The following ST6GAL1 variants were observed in gnomAD, a reference collection of about 807,000 sequenced individuals.
The protein encoded by ST6GAL1 is ST6 beta-galactoside alpha-2,6-sialyltransferase 1, also known as beta-galactoside alpha-2,6-sialyltransferase 1.
In ST6GAL1, 20 loss-of-function variants were observed where a neutral mutation model predicts 38.0. The ratio of observed to expected loss-of-function variants is 0.53; its 90% CI spans 0.37 to 0.77. The LOEUF is 0.77. Ranked by LOEUF, ST6GAL1 falls within the 30% of genes least tolerant of loss-of-function variation. ST6GAL1 has a pLI of 0.00. For synonymous variants in ST6GAL1, 196 were observed against 188.2 expected, an observed-to-expected ratio of 1.04 and a Z score of -0.34; for missense variants, 432 against 496.4, an observed-to-expected ratio of 0.87 and a Z score of 1.23.
intron 2 of ST6GAL1, among the ~76,000 whole-genome samples, chr3:187,002,469 T>C (rs1236038233): frequency 6.6e-6 from 1 of 152,220 alleles, no homozygotes; most frequent in Non-Finnish European, 1.5e-5. Flanking sequence ...GAAAAGTCAA[T>C]GTAGTCATTA....
intron 2 of ST6GAL1, among the ~76,000 whole-genome samples, chr3:187,023,891 T>TAAA (rs59561414): frequency 1.4e-5 from 2 of 138,378 alleles, no homozygotes; most frequent in African/African-American, 2.6e-5. Context: ...TAATAATAAT[T>TAAA]AAAAAAAAAA....
In ST6GAL1 at chr3:187,048,880, A is replaced by ATTTTTTTTTTTTTTTTTT. The variant is rs374148828; in HGVS notation, c.608-2358_608-2341dup. 6.1e-5 allele frequency among the ~76,000 whole-genome samples: 7 copies of ATTTTTTTTTTTTTTTTTT among 115,448 alleles called. 1 individual carries two copies. The highest frequency in any genetic ancestry group is 2.6e-4 in the African/African-American group (7 of 26,576). The allele number at this position is 115,448 out of a possible 152,430, so 75.7% of individuals were successfully genotyped here. On this transcript the variant is annotated intron_variant, in intron 4 of 7. Coordinates refer to ENST00000169298, the MANE Select transcript of ST6GAL1 (RefSeq NM_173216.2). ...TCTGGCTCTGTCCCTGAGAAATTGA[A>ATTTTTTTTTTTTTTTTTT]TTTTTTTTTTTTTTTTTTTTTTTTT...
intron 5 of ST6GAL1, among the ~76,000 whole-genome samples, chr3:187,057,305 T>C (rs1718738932): frequency 1.3e-5 from 2 of 152,222 alleles, no homozygotes; most frequent in Non-Finnish European, 2.9e-5. Context: ...CCTACTTCTG[T>C]CAGCTCGTGA....
chr3:187,069,756 C>A (rs1198342049), intron 5 of ST6GAL1, among the ~76,000 whole-genome samples: 1 of 152,140 alleles, frequency 6.6e-6, no homozygotes, highest in Admixed American at 6.5e-5. Context: ...TGATCTCTTC[C>A]AGCTCTTTCT....
chr3:186,987,175 A>G (rs1715958493), intron 2 of ST6GAL1, among the ~76,000 whole-genome samples: 1 of 93,532 alleles, frequency 1.1e-5, no homozygotes, highest in Admixed American at 1.0e-4. Context: ...AAAGAGAAAG[A>G]GAGACAGGGA....
At chr3:187,051,508 C>A (rs918208840) in intron 5 of ST6GAL1, 162 bp downstream of exon 5, 2 of 626,506 alleles carry the variant, frequency 3.2e-6, no homozygotes, top group Non-Finnish European at 2.8e-6. Flanking sequence ...ATTCCATGAC[C>A]CAACCTGATG....
At chr3:186,985,480 T>G (rs372601086) in intron 2 of ST6GAL1, among the ~76,000 whole-genome samples, 7 of 151,542 alleles carry the variant, frequency 4.6e-5, no homozygotes, top group African/African-American at 1.7e-4. Context: ...TCTCTAAAAG[T>G]TTTTGAAAGG....
chr3:186,945,358 T>A (rs908584295), intron 1 of ST6GAL1, among the ~76,000 whole-genome samples: 1 of 150,350 alleles, frequency 6.7e-6, no homozygotes, highest in East Asian at 1.9e-4. Context: ...GCAAAGGCAA[T>A]GGGACTGAAG....
At chr3:187,063,983 T>C (rs1719009247) in intron 5 of ST6GAL1, among the ~76,000 whole-genome samples, 1 of 152,176 alleles carries the variant, frequency 6.6e-6, no homozygotes, top group East Asian at 1.9e-4. Flanking sequence ...GCAAGTGCTT[T>C]GTAAATAGTA....
chr3:186,999,220 ACCATTAACACCACTCG>A (rs948034545), intron 2 of ST6GAL1, among the ~76,000 whole-genome samples: 1 of 152,052 alleles, frequency 6.6e-6, no homozygotes, highest in African/African-American at 2.4e-5. Flanking sequence ...GGGCCGTGGG[ACCATTAACACCACTCG>A]CCTCGTAGAA....
intron 1 of ST6GAL1, among the ~76,000 whole-genome samples, chr3:186,943,525 C>G (rs1714253354): frequency 6.6e-6 from 1 of 152,202 alleles, no homozygotes; most frequent in African/African-American, 2.4e-5. Context: ...TCTCGGCTCA[C>G]TGCAACCTCC....
intron 5 of ST6GAL1, among the ~76,000 whole-genome samples, chr3:187,066,901 C>A (rs979007097): frequency 1.3e-5 from 2 of 151,962 alleles, no homozygotes; most frequent in Non-Finnish European, 2.9e-5. Flanking sequence ...CTTCCAGGAA[C>A]AGCTGGTCCC....
At chr3:186,936,917 G>A (rs1713974532) in intron 1 of ST6GAL1, among the ~76,000 whole-genome samples, 1 of 141,214 alleles carries the variant, frequency 7.1e-6, no homozygotes, top group African/African-American at 2.6e-5. Context: ...ACTCCAGCCT[G>A]GGTGACAGAG....
intron 2 of ST6GAL1, among the ~76,000 whole-genome samples, chr3:187,026,424 G>T (rs1325031523): frequency 6.6e-6 from 1 of 152,066 alleles, no homozygotes; most frequent in African/African-American, 2.4e-5. Context: ...GACCTTTACT[G>T]CCTGTAAATT....
At chr3:187,054,924 C>T (rs949330260) in intron 5 of ST6GAL1, among the ~76,000 whole-genome samples, 12 of 152,098 alleles carry the variant, frequency 7.9e-5, no homozygotes, top group African/African-American at 2.4e-4. Context: ...TCCGTCTGGT[C>T]CTGGACTTTT....
chr3:186,957,338 G>A (rs1714781205), intron 1 of ST6GAL1, among the ~76,000 whole-genome samples: 2 of 152,178 alleles, frequency 1.3e-5, no homozygotes, highest in Admixed American at 1.3e-4. Flanking sequence ...AGCAACTTGG[G>A]AGGCTGAGAT....
chr3:186,999,488 T>C (rs1026973140), intron 2 of ST6GAL1, among the ~76,000 whole-genome samples: 1 of 150,478 alleles, frequency 6.6e-6, no homozygotes, highest in Non-Finnish European at 1.5e-5. Flanking sequence ...CTCGGCTCAC[T>C]GCAAGCTCCG....
chr3:187,070,781 C>A (rs1159092417), intron 5 of ST6GAL1, among the ~76,000 whole-genome samples: 1 of 152,152 alleles, frequency 6.6e-6, no homozygotes, highest in South Asian at 2.1e-4. Flanking sequence ...ACCATCACAG[C>A]GTGTTAACCA....
intron 2 of ST6GAL1, among the ~76,000 whole-genome samples, chr3:186,981,953 G>T (rs567297960): frequency 6.6e-6 from 1 of 152,124 alleles, no homozygotes; most frequent in African/African-American, 2.4e-5. Flanking sequence ...TGTGTGCTGG[G>T]TGCTTTACAT....
Sources: gnomAD v4.1 joint callset for allele counts (sites outside exome capture counted in the v4.1 genomes callset) on GRCh38, gnomAD v4.1.1 for gene constraint, MANE v1.5 for transcripts, NCBI Gene and HGNC (gene_info 2026-07-23, HGNC 2026-07-21) for gene names.